CDK14: variants seen among roughly 807,000 people sequenced by gnomAD.
CDK14 encodes cyclin dependent kinase 14.
CDK14 carries 34 observed loss-of-function variants against 60.7 expected under a neutral mutation model. The ratio of observed to expected loss-of-function variants is 0.56; its 90% CI spans 0.43 to 0.75. The LOEUF is 0.75. Ranked by LOEUF, CDK14 falls within the 30% of genes least tolerant of loss-of-function variation. The pLI is 0.00. For synonymous variants in CDK14, 197 were observed against 203.7 expected (o/e 0.97, Z 0.28); for missense variants, 482 against 564.1 (o/e 0.85, Z 1.47).
At chr7:90,994,690 A>G (rs1205455101) in intron 10 of CDK14, among the ~76,000 whole-genome samples, 1 of 152,242 alleles carries the variant, frequency 6.6e-6, no homozygotes, top group Non-Finnish European at 1.5e-5. Flanking sequence ...CGTGCTAAAT[A>G]TAAAGCATGA....
chr7:90,970,797 T>C (rs1036164583), intron 9 of CDK14, among the ~76,000 whole-genome samples: 1 of 152,200 alleles, frequency 6.6e-6, no homozygotes, highest in East Asian at 1.9e-4. Flanking sequence ...TTGGTGAAAT[T>C]ACTGAGTTGA....
intron 2 of CDK14, among the ~76,000 whole-genome samples, chr7:90,664,130 A>G (rs182118484): frequency 6.6e-6 from 1 of 152,374 alleles, no homozygotes; most frequent in East Asian, 1.9e-4. Context: ...TGGGCAAAGG[A>G]TATGAACAGA....
At chr7:91,089,485 T>C (rs1338233416) in intron 12 of CDK14, among the ~76,000 whole-genome samples, 2 of 151,878 alleles carry the variant, frequency 1.3e-5, no homozygotes, top group Non-Finnish European at 2.9e-5. Flanking sequence ...CTAATGATCC[T>C]ATTTGGATAT....
chr7:90,969,918 C>A (rs1426907563), intron 9 of CDK14, among the ~76,000 whole-genome samples: 2 of 151,486 alleles, frequency 1.3e-5, no homozygotes, highest in Non-Finnish European at 1.5e-5. Flanking sequence ...CTTTAAGACT[C>A]CATCTCTAGA....
At chr7:90,913,276 G>A (rs1278960596) in intron 7 of CDK14, among the ~76,000 whole-genome samples, 2 of 152,174 alleles carry the variant, frequency 1.3e-5, no homozygotes, top group Admixed American at 6.6e-5. Context: ...GTAGTCCATG[G>A]GGCATTCCAT....
intron 2 of CDK14, among the ~76,000 whole-genome samples, chr7:90,693,765 A>G (rs751190614): frequency 1.3e-5 from 2 of 152,142 alleles, no homozygotes; most frequent in Non-Finnish European, 2.9e-5. Flanking sequence ...TTCTTTGTTC[A>G]TTCATCGTAA....
At chr7:90,894,483 A>T (rs1471574903) in intron 6 of CDK14, among the ~76,000 whole-genome samples, 1 of 152,170 alleles carries the variant, frequency 6.6e-6, no homozygotes, top group Non-Finnish European at 1.5e-5. Flanking sequence ...AAGTCTTTTA[A>T]GTTTTCCCAG....
intron 2 of CDK14, among the ~76,000 whole-genome samples, chr7:90,671,692 A>G (rs185110742): frequency 2.0e-5 from 3 of 152,174 alleles, no homozygotes; most frequent in Admixed American, 6.5e-5. Context: ...TTTAGCTTAT[A>G]TATCACCACT....
At chr7:90,772,202 C>G (rs927024956) in intron 4 of CDK14, among the ~76,000 whole-genome samples, 1 of 152,202 alleles carries the variant, frequency 6.6e-6, no homozygotes, top group Non-Finnish European at 1.5e-5. Flanking sequence ...TGAATTCCAG[C>G]CAGGTAGGTT....
At chr7:91,044,699 T>C (rs1469466634) in intron 10 of CDK14, among the ~76,000 whole-genome samples, 1 of 152,148 alleles carries the variant, frequency 6.6e-6, no homozygotes, top group Non-Finnish European at 1.5e-5. Context: ...TAATATCTAG[T>C]GGTCCTTCTT....
chr7:90,987,064 A>C (rs1795392015), intron 10 of CDK14, among the ~76,000 whole-genome samples: 1 of 152,032 alleles, frequency 6.6e-6, no homozygotes, highest in South Asian at 2.1e-4. Context: ...GAGTTTTATA[A>C]AAGCATAATT....
intron 11 of CDK14, among the ~76,000 whole-genome samples, chr7:91,071,454 C>A (rs1234930666): frequency 6.6e-6 from 1 of 152,202 alleles, no homozygotes. Context: ...CCTCACCCCC[C>A]CAGCCAAGGG....
chr7:90,680,580 AT>A (rs1801293915), intron 2 of CDK14, among the ~76,000 whole-genome samples: 1 of 152,202 alleles, frequency 6.6e-6, no homozygotes, highest in Non-Finnish European at 1.5e-5. Context: ...GGAAAAATCT[AT>A]TGGGTGAATT....
intron 11 of CDK14, among the ~76,000 whole-genome samples, chr7:91,051,295 A>AT (rs554952017): frequency 1.5e-3 from 228 of 152,304 alleles, no homozygotes; most frequent in African/African-American, 5.3e-3. Context: ...TCAACATGAG[A>AT]TTTGGAAGGG....
intron 6 of CDK14, among the ~76,000 whole-genome samples, chr7:90,891,116 A>G (rs1201334592): frequency 6.6e-6 from 1 of 152,216 alleles, no homozygotes; most frequent in Non-Finnish European, 1.5e-5. Flanking sequence ...CACATGGGGT[A>G]CCACAGAAAA....
intron 6 of CDK14, among the ~76,000 whole-genome samples, chr7:90,893,820 TTCCATATGAGATTC>T (rs1306985341): frequency 1.5e-4 from 23 of 152,294 alleles, no homozygotes; most frequent in African/African-American, 5.1e-4. Flanking sequence ...TTGTTCCCTC[TTCCATATGAGATTC>T]TCCATATTCT....
intron 11 of CDK14, among the ~76,000 whole-genome samples, chr7:91,052,960 T>C (rs1484060205): frequency 6.6e-6 from 1 of 151,992 alleles, no homozygotes; most frequent in Non-Finnish European, 1.5e-5. Context: ...TTAAAGGGAA[T>C]GTTTACATAC....
intron 2 of CDK14, among the ~76,000 whole-genome samples, chr7:90,714,645 A>G (rs1333669972): frequency 6.6e-6 from 1 of 152,088 alleles, no homozygotes; most frequent in Non-Finnish European, 1.5e-5. Context: ...TTAGTGACCC[A>G]TATATGATTC....
intron 7 of CDK14, among the ~76,000 whole-genome samples, chr7:90,912,244 C>T (rs773722271): frequency 1.1e-4 from 16 of 151,952 alleles, no homozygotes; most frequent in Non-Finnish European, 2.1e-4. Flanking sequence ...TAGTTCAGCA[C>T]GTGAATTTGT....
Sources: gnomAD v4.1 joint callset for allele counts (sites outside exome capture counted in the v4.1 genomes callset) on GRCh38, gnomAD v4.1.1 for gene constraint, MANE v1.5 for transcripts, NCBI Gene and HGNC (gene_info 2026-07-23, HGNC 2026-07-21) for gene names.